The following FKBP1A variants were observed in gnomAD, a reference collection of about 807,000 sequenced individuals.
FKBP1A encodes FKBP prolyl isomerase 1A.
Under a neutral mutation model 14.2 loss-of-function variants are expected in FKBP1A, and 5 were observed. That is an observed-to-expected ratio of 0.35 (90% CI 0.18 to 0.74). The LOEUF (loss-of-function observed/expected upper bound fraction) is 0.74, where lower values mean the gene tolerates loss of function less well. FKBP1A is among the 30% of genes least tolerant of loss of function. The probability of loss-of-function intolerance (pLI) is 0.56; values close to 1 mark genes in which losing one functional copy is unlikely to be tolerated. For missense variants in FKBP1A, 53 were observed against 138.8 expected, an observed-to-expected ratio of 0.38 and a Z score of 3.10; for synonymous variants, 42 against 49.1, an observed-to-expected ratio of 0.86 and a Z score of 0.60.
At chr20:1,385,387 C>T (rs111312897) in intron 2 of FKBP1A, among the ~76,000 whole-genome samples, 2,370 of 152,172 alleles carry the variant, frequency 0.016, 73 homozygotes, top group African/African-American at 0.054. Flanking sequence ...GAGACTCCAT[C>T]TCCAAAAAAA....
At chr20:1,370,858 G>A (rs1485519189) in intron 4 of FKBP1A, 11 of 985,276 alleles carry the variant, frequency 1.1e-5, no homozygotes, top group Admixed American at 6.1e-5. Context: ...AAGGGATTTT[G>A]GCCTAGGTGC....
At chr20:1,372,309 C>A (rs2089476590) in intron 3 of FKBP1A, 69 bp from the exon 4 acceptor site, 1 of 1,552,344 alleles carries the variant, frequency 6.4e-7, no homozygotes, top group Admixed American at 1.8e-5. Context: ...AGAAAAAGAG[C>A]TGTTTACCTA....
chr20:1,372,266 C>T (rs1371161827), intron 3 of FKBP1A, 26 bp from the exon 4 acceptor site: 5 of 1,611,750 alleles, frequency 3.1e-6, no homozygotes, highest in Non-Finnish European at 4.2e-6. Context: ...GGAAGACAGA[C>T]TCAGCTGGAC....
At chr20:1,391,772 G>T in intron 2 of FKBP1A, 1 of 391,806 alleles carries the variant, frequency 2.6e-6, no homozygotes, top group East Asian at 3.6e-5. Flanking sequence ...AAAAAAGAGG[G>T]AGGAGGAGGG....
At chr20:1,391,682 G>A in intron 2 of FKBP1A, 1 of 398,722 alleles carries the variant, frequency 2.5e-6, no homozygotes. Context: ...GAGAAAGGTG[G>A]AGCTTATTCG....
At chr20:1,383,612 C>G (rs2089639248) in intron 2 of FKBP1A, among the ~76,000 whole-genome samples, 1 of 149,904 alleles carries the variant, frequency 6.7e-6, no homozygotes, top group South Asian at 2.1e-4. Flanking sequence ...GAGTTTGAGA[C>G]TGGCATGAGT....
At chr20:1,372,009 C>T in intron 4 of FKBP1A, 67 bp downstream of exon 4, 1 of 1,554,186 alleles carries the variant, frequency 6.4e-7, no homozygotes, top group Non-Finnish European at 8.7e-7. Flanking sequence ...TGCTACCCAT[C>T]AAACGCTGGG....
intron 4 of FKBP1A, among the ~76,000 whole-genome samples, chr20:1,371,441 T>C (rs1014603928): frequency 6.6e-6 from 1 of 152,208 alleles, no homozygotes; most frequent in Non-Finnish European, 1.5e-5. Flanking sequence ...TTCCTAGAAC[T>C]GTCTGATCTA....
In FKBP1A at chr20:1,384,285, C is replaced by T. The variant is rs138399044; in HGVS notation, c.85+8549G>A. Among the ~76,000 whole-genome samples the T allele has an allele frequency of 1.3e-4, 20 of 152,296 alleles. No individual in the cohort carries two copies. In the South Asian group the frequency reaches 3.9e-3, roughly 30 times the overall value. On this transcript the variant is annotated intron_variant, in intron 2 of 4. Coordinates refer to ENST00000400137, the MANE Select transcript of FKBP1A (RefSeq NM_000801.5). ...GTGTGAATACAAACAGCGGTTCTAG[C>T]TGACTCCTGGGAAAGACTCAATAAA...
At chr20:1,377,429 C>G (rs1600330138) in intron 2 of FKBP1A, 1 of 152,294 alleles carries the variant, frequency 6.6e-6, no homozygotes, top group East Asian at 1.9e-4. Context: ...GGGACCGGTA[C>G]CTGCTCCAAG....
chr20:1,390,782 A>G (rs769218711), intron 2 of FKBP1A, among the ~76,000 whole-genome samples: 12 of 152,132 alleles, frequency 7.9e-5, no homozygotes, highest in Non-Finnish European at 1.5e-4. Flanking sequence ...CCTGCTCGAA[A>G]ACAGTCTATT....
At chr20:1,389,935 G>T (rs893108582) in intron 2 of FKBP1A, among the ~76,000 whole-genome samples, 4 of 152,142 alleles carry the variant, frequency 2.6e-5, no homozygotes, top group African/African-American at 7.2e-5. Flanking sequence ...TGCTTAGCTG[G>T]TGATAGTGAA....
chr20:1,390,812 C>T (rs1568593915), intron 2 of FKBP1A, among the ~76,000 whole-genome samples: 2 of 152,166 alleles, frequency 1.3e-5, no homozygotes, highest in African/African-American at 4.8e-5. Context: ...TGAGGCAGAG[C>T]TGGCTTCTCA....
chr20:1,391,638 T>C (rs893894481), intron 2 of FKBP1A: 1 of 398,464 alleles, frequency 2.5e-6, no homozygotes, highest in Non-Finnish European at 4.4e-6. Context: ...TTTCCCTCAA[T>C]AGAGGGATCC....
At chr20:1,389,524 T>C (rs1244963317) in intron 2 of FKBP1A, among the ~76,000 whole-genome samples, 1 of 152,164 alleles carries the variant, frequency 6.6e-6, no homozygotes, top group Non-Finnish European at 1.5e-5. Flanking sequence ...TGGCCACACC[T>C]GTCCCGGGAG....
chr20:1,390,852 C>T (rs1600342401), intron 2 of FKBP1A, among the ~76,000 whole-genome samples: 1 of 152,158 alleles, frequency 6.6e-6, no homozygotes, highest in Admixed American at 6.5e-5. Flanking sequence ...CTTATCAAAA[C>T]GAAATCAAAA....
chr20:1,391,277 C>A (rs1372986359), intron 2 of FKBP1A, among the ~76,000 whole-genome samples: 1 of 152,134 alleles, frequency 6.6e-6, no homozygotes, highest in African/African-American at 2.4e-5. Context: ...GAATGAACTG[C>A]CCACTCACCC....
chr20:1,377,709 T>C (rs1408396147), intron 2 of FKBP1A: 1 of 152,164 alleles, frequency 6.6e-6, no homozygotes, highest in Non-Finnish European at 1.5e-5. Flanking sequence ...ACAGCTATGA[T>C]TCTCCATTCC....
intron 2 of FKBP1A, among the ~76,000 whole-genome samples, chr20:1,382,810 G>A (rs79958897): frequency 0.02 from 3,084 of 152,336 alleles, 110 homozygotes; most frequent in African/African-American, 0.069. Flanking sequence ...ACTGCATGCA[G>A]AGGCTGTTGA....
Sources: gnomAD v4.1 joint callset for allele counts (sites outside exome capture counted in the v4.1 genomes callset) on GRCh38, gnomAD v4.1.1 for gene constraint, MANE v1.5 for transcripts, NCBI Gene and HGNC (gene_info 2026-07-23, HGNC 2026-07-21) for gene names.